SORL1: variants seen among roughly 807,000 people sequenced by gnomAD.
The protein encoded by SORL1 is sortilin related receptor 1, also known as sortilin-related receptor.
In SORL1, 127 loss-of-function variants were observed where a neutral mutation model predicts 273.7. The observed-to-expected ratio is 0.46, with a 90% CI of 0.40 to 0.54. The LOEUF is 0.54. Ranked by LOEUF, SORL1 falls within the 20% of genes least tolerant of loss-of-function variation. The pLI, the probability that SORL1 is intolerant of heterozygous loss-of-function variation, is 0.00. For missense variants in SORL1, 2,494 were observed against 2,846.1 expected (o/e 0.88, Z 2.81); for synonymous variants, 1,031 against 1,067.4 (o/e 0.97, Z 0.66).
chr11:121,599,397 A>T (rs1863351999), intron 32 of SORL1, among the ~76,000 whole-genome samples: 2 of 152,236 alleles, frequency 1.3e-5, no homozygotes, highest in Non-Finnish European at 2.9e-5. Context: ...ATGTAAAATT[A>T]GCTGGGCATG....
chr11:121,507,375 C>G (rs1483916747), intron 6 of SORL1, among the ~76,000 whole-genome samples: 2 of 152,124 alleles, frequency 1.3e-5, no homozygotes, highest in East Asian at 3.8e-4. Flanking sequence ...CCTTTATTCT[C>G]TCATCTCGTC....
chr11:121,480,034 G>T (rs1038404327), intron 3 of SORL1, among the ~76,000 whole-genome samples: 1 of 152,124 alleles, frequency 6.6e-6, no homozygotes. Flanking sequence ...CTTGCCTTTG[G>T]CTCCTCCGTG....
At chr11:121,564,907 A>G (rs1311229944) in intron 21 of SORL1, among the ~76,000 whole-genome samples, 1 of 152,106 alleles carries the variant, frequency 6.6e-6, no homozygotes, top group African/African-American at 2.4e-5. Context: ...ATCATATTCC[A>G]TTATTGTTCA....
intron 1 of SORL1, among the ~76,000 whole-genome samples, chr11:121,464,362 A>C (rs1861051099): frequency 6.6e-6 from 1 of 152,156 alleles, no homozygotes; most frequent in Non-Finnish European, 1.5e-5. Flanking sequence ...TGCAACCCTA[A>C]TTCCCCCAGA....
chr11:121,472,225 C>T (rs1861181158), intron 2 of SORL1, among the ~76,000 whole-genome samples: 1 of 152,328 alleles, frequency 6.6e-6, no homozygotes, highest in South Asian at 2.1e-4. Context: ...AGTCCCTGCC[C>T]ATGGGCATAT....
At chr11:121,455,924 C>T (rs759960406) in intron 1 of SORL1, among the ~76,000 whole-genome samples, 27 of 148,508 alleles carry the variant, frequency 1.8e-4, no homozygotes, top group South Asian at 2.2e-4. Context: ...ACCCCGGAGG[C>T]GGAGGTTGCA....
At chr11:121,520,937 A>G (rs1862032905) in intron 9 of SORL1, 88 bp downstream of exon 9, 2 of 869,550 alleles carry the variant, frequency 2.3e-6, no homozygotes, top group Non-Finnish European at 3.3e-6. Flanking sequence ...TATTTATTGA[A>G]AAAATACAAG....
In SORL1 at chr11:121,557,299, C is replaced by G; in HGVS notation, c.2572-15C>G. On this transcript the variant is annotated splice_polypyrimidine_tract_variant and intron_variant, in intron 18 of 47. Coordinates refer to ENST00000260197, the MANE Select transcript of SORL1 (RefSeq NM_003105.6). The stretch of plus-strand genomic sequence containing the variant: ...TCCGATCCATCTCAGCCTCTTTTCC[C>G]CCTGTTTTTGTCAGGTAGCTAATCC... 3 of 1,598,870 alleles carry G rather than the reference C, an allele frequency of 1.9e-6. No individual in the cohort carries two copies. The highest frequency in any genetic ancestry group is 2.6e-6 in the Non-Finnish European group (3 of 1,166,158).
In SORL1 at chr11:121,583,505, C is replaced by A; in HGVS notation, c.3628C>A (p.His1210Asn). 1 of 1,612,938 alleles carries A rather than the reference C, an allele frequency of 6.2e-7. No individual in the cohort carries two copies. ...CTCCAACTTCCAGTGCCGAAACGGGCACTGCATCCCCCAGCGGTGGGCGTG... is the reference window on the plus strand; with the variant it reads ...CTCCAACTTCCAGTGCCGAAACGGGAACTGCATCCCCCAGCGGTGGGCGTG... ...EASNFQCRNG[H>N]CIPQRWACDG... The change falls in exon 26 of 48, where the codon CAC (histidine) becomes AAC (asparagine). Residue 1210 changes from histidine (H) to asparagine (N), a missense_variant. By Grantham distance (68) the His-to-Asn change is moderately conservative. Transcript: ENST00000260197.
chr11:121,619,703 G>T, intron 42 of SORL1, 50 bp from the exon 43 acceptor site: 1 of 1,391,168 alleles, frequency 7.2e-7, no homozygotes, highest in Non-Finnish European at 1.0e-6. Flanking sequence ...AATAAAGATT[G>T]CATAAGGCCA....
intron 11 of SORL1, among the ~76,000 whole-genome samples, chr11:121,525,525 C>T (rs1365258763): frequency 1.3e-5 from 2 of 152,170 alleles, no homozygotes; most frequent in South Asian, 2.1e-4. Flanking sequence ...AAATTATTGT[C>T]CCTTTTACAT....
At chr11:121,597,317 T>A (rs1243139816) in intron 32 of SORL1, among the ~76,000 whole-genome samples, 1 of 151,870 alleles carries the variant, frequency 6.6e-6, no homozygotes, top group African/African-American at 2.4e-5. Context: ...CATCTTCAGT[T>A]TGGTTGGACA....
At chr11:121,514,422 C>A in intron 8 of SORL1, 101 bp downstream of exon 8, 2 of 1,221,032 alleles carry the variant, frequency 1.6e-6, no homozygotes, top group East Asian at 2.6e-5. Context: ...CATGTGGATA[C>A]ACCCGGGGAG....
intron 7 of SORL1, among the ~76,000 whole-genome samples, chr11:121,513,752 T>C (rs1472224416): frequency 6.6e-6 from 1 of 152,160 alleles, no homozygotes; most frequent in African/African-American, 2.4e-5. Flanking sequence ...TGCCAGTCCT[T>C]TGCTAGTTTC....
Position 121,591,138 on chromosome 11 carries a change from G to A in SORL1, c.4351G>A (p.Glu1451Lys). ...YRDCADGSDE[E>K]ACPLLANVTA... ...AGATTGTGCAGATGGCTCTGACGAG[G>A]AAGCCTGCCCCTTGCTTGGTGAGTT... The change falls in exon 31 of 48, where the codon GAA becomes AAA. Residue 1451 changes from glutamate (E) to lysine (K), a missense_variant. Transcript: ENST00000260197. 1 of 1,614,148 alleles carries A rather than the reference G, an allele frequency of 6.2e-7. No homozygotes were observed. The highest frequency in any genetic ancestry group is 8.5e-7 in the Non-Finnish European group (1 of 1,180,034).
chr11:121,608,527 T>TA (rs1409818678), intron 38 of SORL1: 2 of 244,170 alleles, frequency 8.2e-6, no homozygotes, highest in South Asian at 6.4e-5. Context: ...CATGTTCACT[T>TA]ACGGGGTTTT....
intron 11 of SORL1, among the ~76,000 whole-genome samples, chr11:121,525,148 TGTTATTCATTGGCATTTTCTAGAATAG>T (rs943308864): frequency 2.0e-5 from 3 of 152,224 alleles, no homozygotes; most frequent in Admixed American, 2.0e-4. Context: ...TGTCTGCTTC[TGTTATTCATTGGCATTTTCTAGAATAG>T]GTTATTCATT....
intron 6 of SORL1, among the ~76,000 whole-genome samples, chr11:121,497,710 C>T (rs1861652996): frequency 6.6e-6 from 1 of 152,156 alleles, no homozygotes; most frequent in African/African-American, 2.4e-5. Flanking sequence ...GTCTTTATCA[C>T]CCTGGTTGTA....
chr11:121,576,623 G>GA, intron 24 of SORL1: 1 of 559,852 alleles, frequency 1.8e-6, no homozygotes, highest in Non-Finnish European at 3.0e-6. Context: ...CTGTCTTCAT[G>GA]ATCTCCCCAG....
Sources: gnomAD v4.1 joint callset for allele counts (sites outside exome capture counted in the v4.1 genomes callset) on GRCh38, gnomAD v4.1.1 for gene constraint, MANE v1.5 for transcripts, NCBI Gene and HGNC (gene_info 2026-07-23, HGNC 2026-07-21) for gene names.